The following LARP4B variants were observed in gnomAD, a reference collection of about 807,000 sequenced individuals.
LARP4B encodes La ribonucleoprotein 4B.
In LARP4B, 12 loss-of-function variants were observed where a neutral mutation model predicts 89.8. The ratio of observed to expected loss-of-function variants is 0.13; its 90% confidence interval spans 0.09 to 0.22. LARP4B has a LOEUF of 0.22. LARP4B is among the 10% of genes least tolerant of loss of function. The pLI is 1.00. For synonymous variants in LARP4B, 367 were observed against 363.3 expected (o/e 1.01, Z -0.12); for missense variants, 757 against 947.7 (o/e 0.80, Z 2.64).
intron 1 of LARP4B, among the ~76,000 whole-genome samples, chr10:918,804 C>T (rs777730418): frequency 2.0e-5 from 3 of 151,948 alleles, no homozygotes; most frequent in Non-Finnish European, 4.4e-5. Context: ...GGGCCAGGTG[C>T]GGTGGCTCAC....
the LARP4B span, among the ~76,000 whole-genome samples, chr10:940,278 A>G: frequency 6.6e-6 from 1 of 152,154 alleles, no homozygotes; most frequent in Non-Finnish European, 1.5e-5. Flanking sequence ...TGGCCTCCCA[A>G]AGTGCTGGGA....
Position 814,712 on chromosome 10 carries a change from C to A in LARP4B, c.1929+30G>T. On this transcript the variant is annotated intron_variant, in intron 17 of 17. Transcript: ENST00000316157. This position sits in a 1 kb window ranked among gnomAD's most constrained non-coding sequence, Gnocchi z 4.4. ...GTTCACACCAGAGCCTCGCGGCTGT[C>A]GTGCAGGAAGGCAGGCACGAGGTAC... The A allele has an allele frequency of 6.4e-7, 1 of 1,568,182 alleles. No individual in the cohort carries two copies. The highest frequency in any genetic ancestry group is 8.7e-7 in the Non-Finnish European group (1 of 1,155,936).
chr10:819,581 T>C (rs966311203), intron 14 of LARP4B: 6 of 152,318 alleles, frequency 3.9e-5, no homozygotes, highest in African/African-American at 1.4e-4. Context: ...GTCACAGTCA[T>C]GAACACATGC....
chr10:927,491 TC>T (rs1430787719), intron 1 of LARP4B, among the ~76,000 whole-genome samples: 3 of 151,972 alleles, frequency 2.0e-5, no homozygotes, highest in Non-Finnish European at 4.4e-5. Flanking sequence ...GAATTCATTT[TC>T]CAATCAAAAT....
chr10:864,050 G>A, intron 4 of LARP4B, 73 bp downstream of exon 4: 1 of 1,593,930 alleles, frequency 6.3e-7, no homozygotes, highest in Admixed American at 1.7e-5. Flanking sequence ...ACATCTTAAA[G>A]ACAGATTAAA....
the LARP4B span, among the ~76,000 whole-genome samples, chr10:940,205 C>T: frequency 3.3e-5 from 5 of 152,190 alleles, no homozygotes; most frequent in Non-Finnish European, 4.4e-5. Context: ...TTAGTAGGGA[C>T]GGGGTTTCTC....
intron 1 of LARP4B, among the ~76,000 whole-genome samples, chr10:908,474 A>T (rs1217652257): frequency 6.6e-6 from 1 of 152,204 alleles, no homozygotes; most frequent in Non-Finnish European, 1.5e-5. Flanking sequence ...AAGCATGGGT[A>T]AACAACCTGT....
At chr10:835,932 CAAAA>C (rs1195702167) in intron 8 of LARP4B, among the ~76,000 whole-genome samples, 1 of 113,984 alleles carries the variant, frequency 8.8e-6, no homozygotes, top group African/African-American at 3.3e-5. Context: ...GACTCCATCT[CAAAA>C]AAAAAAAAAA....
chr10:818,922 G>GATGAAA (rs1832200701), intron 14 of LARP4B: 1 of 152,200 alleles, frequency 6.6e-6, no homozygotes. Context: ...CAGGTCAAAG[G>GATGAAA]ATGAAAATGA....
intron 8 of LARP4B, among the ~76,000 whole-genome samples, chr10:834,690 TC>T (rs1371178402): frequency 2.6e-5 from 4 of 152,198 alleles, no homozygotes; most frequent in Non-Finnish European, 4.4e-5. Context: ...AGACATAAGG[TC>T]AGCAGTTTTG....
chr10:882,145 A>C (rs945320801), intron 3 of LARP4B, among the ~76,000 whole-genome samples: 1 of 152,182 alleles, frequency 6.6e-6, no homozygotes, highest in Non-Finnish European at 1.5e-5. Context: ...AAAAGTTCTA[A>C]GACTACATTA....
At chr10:913,823 C>T (rs1030537456) in intron 1 of LARP4B, among the ~76,000 whole-genome samples, 6 of 152,056 alleles carry the variant, frequency 3.9e-5, no homozygotes, top group African/African-American at 1.4e-4. Context: ...GTGGGAGTAT[C>T]ACTTAAACCC....
chr10:936,749 T>A (rs1830752719), upstream of LARP4B, among the ~76,000 whole-genome samples: 1 of 151,940 alleles, frequency 6.6e-6, no homozygotes, highest in South Asian at 2.1e-4. Flanking sequence ...AAAACCAGAT[T>A]TACTATGAGG....
chr10:931,736 C>G (rs941100304), upstream of LARP4B: 13 of 151,002 alleles, frequency 8.6e-5, no homozygotes, highest in African/African-American at 2.9e-4. Context: ...AAGTCCCGCC[C>G]CCGCGCGGAC....
chr10:956,759 A>G, the LARP4B span, among the ~76,000 whole-genome samples: 2 of 152,092 alleles, frequency 1.3e-5, no homozygotes, highest in Non-Finnish European at 2.9e-5. The surrounding 1 kb of genome is among the most constrained non-coding windows in gnomAD (Gnocchi z 4.3). Flanking sequence ...CAGGGCTCCC[A>G]CACCTGTTGC....
chr10:952,529 C>T, the LARP4B span, among the ~76,000 whole-genome samples: 2 of 109,276 alleles, frequency 1.8e-5, no homozygotes, highest in Non-Finnish European at 1.8e-5. Flanking sequence ...AGGAAGAAAT[C>T]GCACCAGCCC....
upstream of LARP4B, among the ~76,000 whole-genome samples, chr10:931,946 C>CCCGCCCCGCGCACGCCGCACGT: frequency 6.7e-6 from 1 of 149,202 alleles, no homozygotes; most frequent in South Asian, 2.1e-4. Context: ...CGCACATCGC[C>CCCGCCCCGCGCACGCCGCACGT]CCGCCCCGCG....
At chr10:932,372 AG>A (rs1486936030), upstream of LARP4B, among the ~76,000 whole-genome samples, 100 of 113,512 alleles carry the variant, frequency 8.8e-4, no homozygotes, top group African/African-American at 3.5e-3. Flanking sequence ...CCCGGGACCA[AG>A]GCCCCGGCCC....
chr10:822,489 T>C lies in LARP4B; in HGVS notation c.1485-1644A>G, dbSNP rs1019858307. Among the ~76,000 whole-genome samples the C allele has an allele frequency of 1.3e-5, 2 of 152,090 alleles. No homozygotes were observed. Among genetic ancestry groups the C allele is most frequent in the Non-Finnish European group, 2.9e-5 (2 of 67,998 alleles). ...GGGGTCCTATCCCAGTCACCATCAG[T>C]GGGCCCAGCCAACACTCCCCCACAC... On this transcript the variant is annotated intron_variant, in intron 13 of 17. Transcript: ENST00000316157. This position sits in a 1 kb window ranked among gnomAD's most constrained non-coding sequence, Gnocchi z 4.6.
Sources: allele counts gnomAD v4.1 joint callset (sites outside exome capture counted in the v4.1 genomes callset), GRCh38; gene constraint gnomAD v4.1.1; non-coding constraint Gnocchi (gnomAD v3.1); transcripts MANE v1.5; gene names NCBI Gene and HGNC (gene_info 2026-07-23, HGNC 2026-07-21).